The following BCLAF1 variants were observed in gnomAD, a reference collection of about 807,000 sequenced individuals.
BCLAF1 encodes bcl-2-associated transcription factor 1.
In BCLAF1, 10 loss-of-function variants were observed where a neutral mutation model predicts 99.5. That is an observed-to-expected ratio of 0.10 (90% CI 0.06 to 0.17). The LOEUF (loss-of-function observed/expected upper bound fraction) is 0.17, where lower values mean the gene tolerates loss of function less well. Among genes scored for constraint, BCLAF1 ranks in the 10% least tolerant of loss-of-function variants. The pLI is 1.00. For missense variants in BCLAF1, 636 were observed against 1,105.8 expected, an observed-to-expected ratio of 0.58 and a Z score of 6.02; for synonymous variants, 255 against 370.9, an observed-to-expected ratio of 0.69 and a Z score of 3.59.
At chr6:136,266,636 AATT>A (rs543969270) in intron 11 of BCLAF1, among the ~76,000 whole-genome samples, 52 of 152,208 alleles carry the variant, frequency 3.4e-4, no homozygotes, top group African/African-American at 1.2e-3. Flanking sequence ...ACTTTGAAAA[AATT>A]ATTCTCCTTT....
At chr6:136,262,784 T>G (rs951896603) in intron 11 of BCLAF1, among the ~76,000 whole-genome samples, 1 of 152,184 alleles carries the variant, frequency 6.6e-6, no homozygotes, top group Non-Finnish European at 1.5e-5. Context: ...CATGCTCCCT[T>G]ATCACATTAA....
At position 136,259,078 on chromosome 6, in the gene BCLAF1, A is replaced by G. The variant is rs1780667036; in HGVS notation, c.*2032T>C. 3 of 152,092 alleles carry G rather than the reference A, an allele frequency of 2.0e-5. No homozygotes were observed. The highest frequency in any genetic ancestry group is 4.4e-5 in the Non-Finnish European group (3 of 67,882). 9.4% of individuals were successfully genotyped at this position (152,092 alleles called of 1,614,324 possible). ...TTTAAAAAATATACAGGCTTTTTATATGCTTGGATCTGAAAAAGGTAACAT... is the reference window on the plus strand; with the variant it reads ...TTTAAAAAATATACAGGCTTTTTATGTGCTTGGATCTGAAAAAGGTAACAT... On this transcript the variant is annotated 3_prime_UTR_variant, in exon 13 of 13. Transcript: ENST00000531224.
intron 6 of BCLAF1, among the ~76,000 whole-genome samples, chr6:136,274,723 T>C (rs1783015051): frequency 2.0e-5 from 3 of 152,152 alleles, no homozygotes; most frequent in South Asian, 4.1e-4. Flanking sequence ...TCATAGTAAG[T>C]TGCTTTTTAA....
intron 1 of BCLAF1, among the ~76,000 whole-genome samples, chr6:136,289,320 T>G (rs930788383): frequency 6.6e-6 from 1 of 152,200 alleles, no homozygotes; most frequent in Non-Finnish European, 1.5e-5. Flanking sequence ...GTCGGCGCCA[T>G]AGGCGGGGGA....
At chr6:136,281,547 A>T (rs1465926360) in intron 2 of BCLAF1, among the ~76,000 whole-genome samples, 1 of 152,214 alleles carries the variant, frequency 6.6e-6, no homozygotes, top group Non-Finnish European at 1.5e-5. Flanking sequence ...ACTTCAAGAT[A>T]TTTATTTTTA....
chr6:136,271,474 T>TC (rs1243024372), intron 8 of BCLAF1, among the ~76,000 whole-genome samples: 1 of 151,800 alleles, frequency 6.6e-6, no homozygotes, highest in African/African-American at 2.4e-5. Flanking sequence ...TAAAAGACAT[T>TC]CCCCCAATCC....
rs1174336280 is a variant in BCLAF1, at chr6:136,258,151, A to T, written c.*2959T>A. 1 of 152,088 alleles carries T rather than the reference A, an allele frequency of 6.6e-6. No homozygotes were observed. The highest frequency in any genetic ancestry group is 1.9e-4 in the East Asian group (1 of 5,190). 9.4% of individuals were successfully genotyped at this position (152,088 alleles called of 1,614,324 possible). A position where few individuals can be genotyped will look rare whatever the true frequency, so the allele number is the denominator to read the frequency against. On this transcript the variant is annotated 3_prime_UTR_variant, in exon 13 of 13. Transcript: ENST00000531224. ...AACTGACAGGATGGCACATGGTAAG[A>T]ATTATACCACATCTTACTTAAAGTG...
At chr6:136,286,560 G>A (rs1785159984) in intron 1 of BCLAF1, among the ~76,000 whole-genome samples, 2 of 152,280 alleles carry the variant, frequency 1.3e-5, no homozygotes, top group South Asian at 4.1e-4. Context: ...CCCTTGTTTA[G>A]GCAGCCTTTC....
In BCLAF1 at chr6:136,261,490, T is replaced by TA; in HGVS notation, c.2545-14dup. On this transcript the variant is annotated splice_polypyrimidine_tract_variant and intron_variant, in intron 11 of 12. Coordinates refer to ENST00000531224, the MANE Select transcript of BCLAF1 (RefSeq NM_014739.3). ...CTCTGTCGTCATGCTACAGAAAGGT[T>TA]AAAAACAATTGTCAATGAAATGTTT... 1 of 1,605,890 alleles carries TA rather than the reference T, an allele frequency of 6.2e-7. No individual in the cohort carries two copies. The highest frequency in any genetic ancestry group is 8.5e-7 in the Non-Finnish European group (1 of 1,175,660).
rs1315274856 is a variant in BCLAF1, at chr6:136,259,163, T to TA, written c.*1946dup. ...CACCCTAGCCTACTACACTCTGGTA[T>TA]AATACTCTTTCTTCAATTCTGTTTA... On this transcript the variant is annotated 3_prime_UTR_variant, in exon 13 of 13. Coordinates refer to ENST00000531224, the MANE Select transcript of BCLAF1 (RefSeq NM_014739.3). 1 of 152,088 alleles carries TA rather than the reference T, an allele frequency of 6.6e-6. No homozygotes were observed. The highest frequency in any genetic ancestry group is 2.4e-5 in the African/African-American group (1 of 41,474). 9.4% of individuals were successfully genotyped at this position (152,088 alleles called of 1,614,324 possible).
chr6:136,289,515 C>T, intron 1 of BCLAF1, among the ~76,000 whole-genome samples, 198 bp downstream of exon 1: 1 of 152,364 alleles, frequency 6.6e-6, no homozygotes, highest in South Asian at 2.1e-4. Context: ...CTGCTCAGCG[C>T]CCCCGCCCGG....
intron 4 of BCLAF1, 64 bp from the exon 5 acceptor site, chr6:136,276,572 T>C (rs1443333173): frequency 7.4e-6 from 11 of 1,493,676 alleles, no homozygotes; most frequent in East Asian, 6.8e-5. Flanking sequence ...CGCTTCCATA[T>C]TTAAATGTGT....
At chr6:136,274,641 A>AT (rs1783005511) in intron 6 of BCLAF1, among the ~76,000 whole-genome samples, 1 of 152,018 alleles carries the variant, frequency 6.6e-6, no homozygotes, top group Non-Finnish European at 1.5e-5. Flanking sequence ...CAAACGACAG[A>AT]TTTTTTAAAA....
rs183351711 is a variant in BCLAF1, at chr6:136,257,166, A to G, written c.*3944T>C. ...TCAAGAATATTACCTTCTGCACTTCATAAGTGCTACAAATCAGTTCACTGT... is the reference window on the plus strand; with the variant it reads ...TCAAGAATATTACCTTCTGCACTTCGTAAGTGCTACAAATCAGTTCACTGT... On this transcript the variant is annotated 3_prime_UTR_variant, in exon 13 of 13. Coordinates refer to ENST00000531224, the MANE Select transcript of BCLAF1 (RefSeq NM_014739.3). The G allele has an allele frequency of 5.2e-4, 79 of 152,350 alleles. No homozygotes were observed. The highest frequency in any genetic ancestry group is 2.6e-3 in the Admixed American group (40 of 15,308). 9.4% of individuals were successfully genotyped at this position (152,350 alleles called of 1,614,324 possible).
intron 2 of BCLAF1, among the ~76,000 whole-genome samples, chr6:136,282,012 A>G (rs1784444011): frequency 6.6e-6 from 1 of 152,230 alleles, no homozygotes; most frequent in Non-Finnish European, 1.5e-5. Flanking sequence ...TCCAAAAGAA[A>G]TGGATTGATA....
At chr6:136,282,385 C>T (rs1158110377) in intron 2 of BCLAF1, among the ~76,000 whole-genome samples, 199 bp downstream of exon 2, 1 of 151,956 alleles carries the variant, frequency 6.6e-6, no homozygotes, top group Non-Finnish European at 1.5e-5. Context: ...GGAGCACAAC[C>T]TGGAAGAAGA....
Position 136,258,517 on chromosome 6 carries a change from G to A in BCLAF1, c.*2593C>T, listed in dbSNP as rs1583987703. 6.6e-6 allele frequency: 1 copy of A among 152,476 alleles called. No individual in the cohort carries two copies. The highest frequency in any genetic ancestry group is 2.4e-5 in the African/African-American group (1 of 41,438). 9.4% of individuals were successfully genotyped at this position (152,476 alleles called of 1,614,324 possible). On this transcript the variant is annotated 3_prime_UTR_variant, in exon 13 of 13. Coordinates refer to ENST00000531224, the MANE Select transcript of BCLAF1 (RefSeq NM_014739.3). ...CACCAGTAATCTTCCTAACAGATGC[G>A]CTGATATTCTAAAATAGGCCACAGA...
At chr6:136,261,506 T>G in intron 11 of BCLAF1, 29 bp from the exon 12 acceptor site, 1 of 1,589,046 alleles carries the variant, frequency 6.3e-7, no homozygotes, top group Non-Finnish European at 8.6e-7. Flanking sequence ...CAATTGTCAA[T>G]GAAATGTTTC....
Position 136,276,209 on chromosome 6 carries a change from T to C in BCLAF1, c.1316A>G (p.Lys439Arg). 1 of 1,609,248 alleles carries C rather than the reference T, an allele frequency of 6.2e-7. No individual in the cohort carries two copies. The highest frequency in any genetic ancestry group is 8.5e-7 in the Non-Finnish European group (1 of 1,178,576). Residue 439 changes from lysine (K) to arginine (R), a missense_variant, in exon 5 of 13, where the codon AAG (lysine) becomes AGG (arginine). Transcript: ENST00000531224. ...RNTEEEGLKY[K>R]SKVSLKGNRE... ...ATTGCCTTTCAGTGAAACTTTGGAC[T>C]TGTACTTGAGTCCTTCCTCCTCAGT...
Sources: allele counts gnomAD v4.1 joint callset (sites outside exome capture counted in the v4.1 genomes callset), GRCh38; gene constraint gnomAD v4.1.1; transcripts MANE v1.5; gene names NCBI Gene and HGNC (gene_info 2026-07-23, HGNC 2026-07-21).